Variants in ACVR2A observed in about 807,000 individuals in gnomAD.
ACVR2A encodes the protein activin receptor type-2A.
Under a neutral mutation model 61.4 loss-of-function variants are expected in ACVR2A, and 7 were observed. The ratio of observed to expected loss-of-function variants is 0.11; its 90% CI spans 0.06 to 0.21. The LOEUF (loss-of-function observed/expected upper bound fraction) is 0.21, where lower values mean the gene tolerates loss of function less well. Ranked by LOEUF, ACVR2A falls within the 10% of genes least tolerant of loss-of-function variation. The probability of loss-of-function intolerance (pLI) is 1.00; values close to 1 mark genes in which losing one functional copy is unlikely to be tolerated. For synonymous variants in ACVR2A, 193 were observed against 208.3 expected (o/e 0.93, Z 0.63); for missense variants, 322 against 621.7 (o/e 0.52, Z 5.13).
At chr2:147,918,419 A>G (rs750208538) in intron 6 of ACVR2A, 28 bp from the exon 7 acceptor site, 11 of 1,591,646 alleles carry the variant, frequency 6.9e-6, no homozygotes, top group Middle Eastern at 1.7e-4. Context: ...TCAAGAACAT[A>G]AGTTTCTTTT....
chr2:147,906,544 A>T (rs1464791890), intron 4 of ACVR2A, among the ~76,000 whole-genome samples: 1 of 152,162 alleles, frequency 6.6e-6, no homozygotes, highest in East Asian at 1.9e-4. Flanking sequence ...ATCTGTACTG[A>T]TTGGGAGAGG....
At chr2:147,866,633 G>C (rs936377763) in intron 1 of ACVR2A, among the ~76,000 whole-genome samples, 5 of 152,156 alleles carry the variant, frequency 3.3e-5, no homozygotes, top group Non-Finnish European at 7.4e-5. Flanking sequence ...TGCAGAGGTG[G>C]GTAGGGGTCA....
chr2:147,881,537 A>G (rs1686297839), intron 1 of ACVR2A, among the ~76,000 whole-genome samples: 1 of 148,740 alleles, frequency 6.7e-6, no homozygotes, highest in Non-Finnish European at 1.5e-5. Context: ...ATGGATGTCT[A>G]GTTATTTAGT....
At chr2:147,856,708 G>A (rs952841721) in intron 1 of ACVR2A, among the ~76,000 whole-genome samples, 3 of 152,024 alleles carry the variant, frequency 2.0e-5, no homozygotes, top group African/African-American at 4.8e-5. Context: ...TATACAAGAC[G>A]GATATGGTAA....
At chr2:147,878,486 A>G (rs575223684) in intron 1 of ACVR2A, among the ~76,000 whole-genome samples, 4 of 152,080 alleles carry the variant, frequency 2.6e-5, no homozygotes, top group Non-Finnish European at 5.9e-5. Context: ...ACTATGAACT[A>G]GATTTAGATA....
chr2:147,863,763 G>C (rs889543950), intron 1 of ACVR2A, among the ~76,000 whole-genome samples: 1 of 152,174 alleles, frequency 6.6e-6, no homozygotes, highest in African/African-American at 2.4e-5. Context: ...AGGGTTGTTT[G>C]AGGGTCAGCT....
At chr2:147,909,485 T>G (rs1373808655) in intron 4 of ACVR2A, among the ~76,000 whole-genome samples, 1 of 152,138 alleles carries the variant, frequency 6.6e-6, no homozygotes, top group African/African-American at 2.4e-5. Flanking sequence ...TTTTCTCACC[T>G]ACAAACCTAA....
intron 10 of ACVR2A, 49 bp downstream of exon 10, chr2:147,926,210 T>G (rs1259485118): frequency 6.3e-7 from 1 of 1,581,470 alleles, no homozygotes; most frequent in Non-Finnish European, 8.6e-7. Flanking sequence ...AAAACACTTT[T>G]CAGAGGAATT....
chr2:147,919,194 A>G (rs964674220), intron 7 of ACVR2A, among the ~76,000 whole-genome samples: 19 of 152,178 alleles, frequency 1.2e-4, no homozygotes, highest in African/African-American at 4.6e-4. Context: ...TTTGAAAAGT[A>G]GGCATTAACT....
chr2:147,929,745 C>CAAAG lies in ACVR2A; in HGVS notation c.*2474_*2477dup, dbSNP rs965097856. 4 of 152,010 alleles carry CAAAG rather than the reference C, an allele frequency of 2.6e-5. No individual in the cohort carries two copies. The highest frequency in any genetic ancestry group is 9.7e-5 in the African/African-American group (4 of 41,274). The allele number at this position is 152,010 out of a possible 1,614,324, so 9.4% of individuals were successfully genotyped here. On this transcript the variant is annotated 3_prime_UTR_variant, in exon 11 of 11. Coordinates refer to ENST00000241416, the MANE Select transcript of ACVR2A (RefSeq NM_001616.5). Reference sequence around the variant, plus strand: ...TAGAGATACTGGAAAAAAAAAAGATCAAAGAATGAGAAAAATGGTGATCCA... The same window carrying CAAAG: ...TAGAGATACTGGAAAAAAAAAAGATCAAAGAAAGAATGAGAAAAATGGTGATCCA...
chr2:147,905,356 G>A (rs1395349114), intron 4 of ACVR2A, among the ~76,000 whole-genome samples: 1 of 151,700 alleles, frequency 6.6e-6, no homozygotes, highest in Non-Finnish European at 1.5e-5. Flanking sequence ...TTTATTGTAT[G>A]CTTATGAAAT....
intron 1 of ACVR2A, among the ~76,000 whole-genome samples, chr2:147,867,873 T>C (rs1485211864): frequency 6.6e-6 from 1 of 152,182 alleles, no homozygotes. Context: ...AGACTTCTGA[T>C]CTTTACTACC....
At chr2:147,864,533 T>C (rs1187360446) in intron 1 of ACVR2A, among the ~76,000 whole-genome samples, 2 of 152,080 alleles carry the variant, frequency 1.3e-5, no homozygotes, top group Admixed American at 6.6e-5. Context: ...CCTGGCCTGT[T>C]ATTGTAACTT....
Position 147,896,416 on chromosome 2 carries a change from G to A in ACVR2A, c.171G>A (p.Arg57=). 1 of 1,613,958 alleles carries A rather than the reference G, an allele frequency of 6.2e-7. No homozygotes were observed. Among genetic ancestry groups the A allele is most frequent in the Non-Finnish European group, 8.5e-7 (1 of 1,179,944 alleles). Residue 57 remains arginine (R), a synonymous_variant, in exon 2 of 11, where the codon CGG becomes CGA. Transcript: ENST00000241416. ...VEPCYGDKDK[R]RHCFATWKNI... ...CGTGTTATGGTGACAAAGATAAACG[G>A]CGGCATTGTTTTGCTACCTGGAAGA...
At chr2:147,845,279 G>A in intron 1 of ACVR2A, 72 bp downstream of exon 1, 8 of 1,476,184 alleles carry the variant, frequency 5.4e-6, no homozygotes, top group East Asian at 2.5e-5. Context: ...GGCCGCGGCT[G>A]GTGTTGAGTC....
chr2:147,881,602 AGTGTGTGTGTGTGT>A (rs145075375), intron 1 of ACVR2A, among the ~76,000 whole-genome samples: 22 of 81,482 alleles, frequency 2.7e-4, no homozygotes, highest in East Asian at 1.5e-3. Flanking sequence ...GAAGCTGCTT[AGTGTGTGTGTGTGT>A]GTGTGTGTGT....
At chr2:147,909,689 A>G (rs1359986241) in intron 4 of ACVR2A, among the ~76,000 whole-genome samples, 1 of 152,064 alleles carries the variant, frequency 6.6e-6, no homozygotes, top group African/African-American at 2.4e-5. Flanking sequence ...CCAGGCGGGA[A>G]TGCAGTGGCA....
chr2:147,880,530 A>G (rs1362179717), intron 1 of ACVR2A, among the ~76,000 whole-genome samples: 2 of 152,164 alleles, frequency 1.3e-5, no homozygotes, highest in Admixed American at 6.6e-5. Context: ...ATGATCTTCT[A>G]GTTACTTGTC....
intron 1 of ACVR2A, among the ~76,000 whole-genome samples, chr2:147,864,108 A>G (rs1685793030): frequency 6.6e-6 from 1 of 152,196 alleles, no homozygotes; most frequent in African/African-American, 2.4e-5. Context: ...CTAGATAAGT[A>G]CGAATAGTTC....
Sources: allele counts gnomAD v4.1 joint callset (sites outside exome capture counted in the v4.1 genomes callset), GRCh38; gene constraint gnomAD v4.1.1; transcripts MANE v1.5; gene names NCBI Gene and HGNC (gene_info 2026-07-23, HGNC 2026-07-21).